The following DCLK2 variants were observed in gnomAD, a reference collection of about 807,000 sequenced individuals.
DCLK2 encodes the protein serine/threonine-protein kinase DCLK2.
A neutral mutation model predicts 78.4 loss-of-function variants in DCLK2; 31 were observed. That is an observed-to-expected ratio of 0.40 (90% CI 0.30 to 0.53). The LOEUF (loss-of-function observed/expected upper bound fraction) is 0.53. Ranked by LOEUF, DCLK2 falls within the 20% of genes least tolerant of loss-of-function variation. The pLI, the probability that DCLK2 is intolerant of heterozygous loss-of-function variation, is 0.61. For synonymous variants in DCLK2, 407 were observed against 374.9 expected, an observed-to-expected ratio of 1.09 and a Z score of -0.99; for missense variants, 872 against 973.7, an observed-to-expected ratio of 0.90 and a Z score of 1.39.
chr4:150,173,215 G>C (rs1270368947), intron 2 of DCLK2, among the ~76,000 whole-genome samples: 1 of 152,118 alleles, frequency 6.6e-6, no homozygotes, highest in East Asian at 1.9e-4. Flanking sequence ...GCTATGGTGT[G>C]CAGCAGACCT....
At chr4:150,123,692 C>G (rs1439647615) in intron 2 of DCLK2, among the ~76,000 whole-genome samples, 4 of 152,106 alleles carry the variant, frequency 2.6e-5, no homozygotes, top group Non-Finnish European at 5.9e-5. Context: ...AAGTGAAGTG[C>G]AGAGATATCC....
chr4:150,195,664 A>C (rs182659055), intron 3 of DCLK2, among the ~76,000 whole-genome samples: 1 of 150,372 alleles, frequency 6.7e-6, no homozygotes, highest in Non-Finnish European at 1.5e-5. Flanking sequence ...CTTACTTTGT[A>C]TGTACAGGCA....
intron 2 of DCLK2, among the ~76,000 whole-genome samples, chr4:150,151,024 C>T (rs1343798517): frequency 6.6e-6 from 1 of 152,250 alleles, no homozygotes; most frequent in Non-Finnish European, 1.5e-5. Flanking sequence ...TGCCTCAGCA[C>T]CTACTGCCCT....
chr4:150,209,710 G>A (rs1409809321), intron 5 of DCLK2: 5 of 152,242 alleles, frequency 3.3e-5, no homozygotes, highest in Admixed American at 6.5e-5. Context: ...CACGTGAAAT[G>A]TAACAGCCCT....
chr4:150,185,977 G>A (rs1047183510), intron 2 of DCLK2, among the ~76,000 whole-genome samples: 1 of 152,048 alleles, frequency 6.6e-6, no homozygotes, highest in Admixed American at 6.6e-5. Flanking sequence ...TTTTCACTTG[G>A]ATGTTTCCCC....
intron 4 of DCLK2, among the ~76,000 whole-genome samples, chr4:150,199,610 A>G (rs905797842): frequency 2.0e-5 from 3 of 152,230 alleles, no homozygotes; most frequent in Non-Finnish European, 4.4e-5. Flanking sequence ...TTATTTTCCT[A>G]GAGTTATAGA....
intron 10 of DCLK2, 40 bp from the exon 11 acceptor site, chr4:150,239,702 A>G (rs201685374): frequency 2.6e-5 from 41 of 1,599,332 alleles, no homozygotes; most frequent in Middle Eastern, 1.7e-4. Flanking sequence ...ATTGTTGAGG[A>G]AAAAAAAATC....
intron 10 of DCLK2, among the ~76,000 whole-genome samples, chr4:150,237,766 A>G (rs912736557): frequency 3.9e-5 from 6 of 152,204 alleles, no homozygotes; most frequent in Non-Finnish European, 7.3e-5. Flanking sequence ...TTCTCCTTCT[A>G]CAGTTAATAG....
chr4:150,141,482 T>C (rs750224775), intron 2 of DCLK2, among the ~76,000 whole-genome samples: 1 of 152,214 alleles, frequency 6.6e-6, no homozygotes, highest in Non-Finnish European at 1.5e-5. Flanking sequence ...TTGGTTCTTA[T>C]GAGATGGAAA....
At chr4:150,110,861 A>G (rs1211019776) in intron 2 of DCLK2, among the ~76,000 whole-genome samples, 2 of 152,168 alleles carry the variant, frequency 1.3e-5, no homozygotes, top group Non-Finnish European at 2.9e-5. Context: ...TATATATACC[A>G]CATTTTCTTT....
chr4:150,248,447 C>T, intron 14 of DCLK2, 62 bp downstream of exon 14: 2 of 1,365,658 alleles, frequency 1.5e-6, no homozygotes, highest in Non-Finnish European at 2.1e-6. Flanking sequence ...AGCACGGTTC[C>T]TCACTGTGAT....
chr4:150,221,911 C>A (rs1489282811), intron 7 of DCLK2, 126 bp downstream of exon 7: 1 of 559,344 alleles, frequency 1.8e-6, no homozygotes, highest in Non-Finnish European at 3.0e-6. Context: ...TGGAAAGTCT[C>A]TTTCATTTTC....
At chr4:150,136,147 G>A (rs539078074) in intron 2 of DCLK2, among the ~76,000 whole-genome samples, 1 of 152,334 alleles carries the variant, frequency 6.6e-6, no homozygotes, top group East Asian at 1.9e-4. Flanking sequence ...GAGGAAGGGA[G>A]GAATGTAAGT....
At chr4:150,134,238 GC>G (rs1424908358) in intron 2 of DCLK2, among the ~76,000 whole-genome samples, 1 of 151,768 alleles carries the variant, frequency 6.6e-6, no homozygotes, top group Non-Finnish European at 1.5e-5. Context: ...CCGCCACTAC[GC>G]CCAGCTAATT....
chr4:150,207,984 A>T (rs1169104567), intron 5 of DCLK2, among the ~76,000 whole-genome samples: 1 of 152,148 alleles, frequency 6.6e-6, no homozygotes, highest in East Asian at 1.9e-4. Context: ...GCATCAGCAG[A>T]TGGAAGAGTA....
At chr4:150,102,357 C>T (rs2150153594) in intron 1 of DCLK2, 121 bp from the exon 2 acceptor site, 1 of 847,954 alleles carries the variant, frequency 1.2e-6, no homozygotes, top group Admixed American at 2.8e-5. Context: ...GTGAACATCC[C>T]CTTTTAGTGA....
intron 4 of DCLK2, among the ~76,000 whole-genome samples, chr4:150,202,777 A>C (rs1292908521): frequency 6.6e-6 from 1 of 152,164 alleles, no homozygotes; most frequent in Admixed American, 6.5e-5. Context: ...ATTTGTAATA[A>C]AACAGATTAT....
intron 7 of DCLK2, 60 bp from the exon 8 acceptor site, chr4:150,224,441 A>T (rs1156837942): frequency 6.8e-7 from 1 of 1,467,582 alleles, no homozygotes; most frequent in Non-Finnish European, 9.3e-7. Flanking sequence ...AAAGAAAGAA[A>T]ACAGGAATGA....
Position 150,247,688 on chromosome 4 carries a change from G to C in DCLK2, c.1864G>C (p.Asp622His), listed in dbSNP as rs1743434988. The C allele has an allele frequency of 6.2e-7, 1 of 1,613,886 alleles. No homozygotes were observed. Among genetic ancestry groups the C allele is most frequent in the African/African-American group, 1.3e-5 (1 of 74,920 alleles). Residue 622 changes from aspartate (D) to histidine (H), a missense_variant, in exon 13 of 16, where the codon GAC becomes CAC. Asp to His is a moderately conservative substitution (Grantham distance 81). Transcript: ENST00000296550. ...FPAPYWDNITDSAKELISQML... is the reference protein window; with the variant it reads ...FPAPYWDNITHSAKELISQML... ...GGCCCCCTACTGGGATAACATCACG[G>C]ACTCTGCCAAGGTACCCTCCAGGCC...
Sources: gnomAD v4.1 joint callset for allele counts (sites outside exome capture counted in the v4.1 genomes callset) on GRCh38, gnomAD v4.1.1 for gene constraint, MANE v1.5 for transcripts, NCBI Gene and HGNC (gene_info 2026-07-23, HGNC 2026-07-21) for gene names.